OCA2: variants seen among roughly 807,000 people sequenced by gnomAD.
OCA2 encodes the protein P protein.
In OCA2, 77 loss-of-function variants were observed where a neutral mutation model predicts 100.2. The observed-to-expected ratio is 0.77, with a 90% CI of 0.64 to 0.93. OCA2 has a LOEUF of 0.93. Ranked by LOEUF, OCA2 falls within the 40% of genes least tolerant of loss-of-function variation. The probability of loss-of-function intolerance (pLI) is 0.00; values close to 1 mark genes in which losing one functional copy is unlikely to be tolerated. For missense variants in OCA2, 1,062 were observed against 1,089.1 expected, an observed-to-expected ratio of 0.98 and a Z score of 0.35; for synonymous variants, 432 against 439.2, an observed-to-expected ratio of 0.98 and a Z score of 0.21.
intron 3 of OCA2, among the ~76,000 whole-genome samples, chr15:28,029,103 G>C (rs927869165): frequency 4.6e-5 from 7 of 152,170 alleles, no homozygotes; most frequent in African/African-American, 1.7e-4. Flanking sequence ...AATATTCATG[G>C]GCTCACAATA....
chr15:27,774,994 C>G (rs182273314), intron 23 of OCA2, among the ~76,000 whole-genome samples: 1 of 132,006 alleles, frequency 7.6e-6, no homozygotes, highest in Admixed American at 7.3e-5. Context: ...TGACAGCAAT[C>G]CAGCCCTCTT....
At chr15:27,768,093 G>T (rs930662590) in intron 23 of OCA2, among the ~76,000 whole-genome samples, 1 of 152,138 alleles carries the variant, frequency 6.6e-6, no homozygotes. Flanking sequence ...CCTGGCGCAG[G>T]GAGGGCCGGC....
In OCA2 at chr15:27,840,945, C is replaced by G. The variant is rs560667594; in HGVS notation, c.2432+4014G>C. On this transcript the variant is annotated intron_variant, in intron 23 of 23. Coordinates refer to ENST00000354638, the MANE Select transcript of OCA2 (RefSeq NM_000275.3). Reference sequence around the variant, plus strand: ...AAAATTTTTTTGACACATTGGGCCTCATTAAGATTCAAAACTTTTGATTTG... The same window carrying G: ...AAAATTTTTTTGACACATTGGGCCTGATTAAGATTCAAAACTTTTGATTTG... 2.0e-5 allele frequency among the ~76,000 whole-genome samples: 3 copies of G among 152,294 alleles called. 1 individual carries two copies. The highest frequency in any genetic ancestry group is 6.8e-3 in the Middle Eastern group (2 of 294).
Position 27,957,073 on chromosome 15 carries a change from C to T in OCA2, c.1784+515G>A, listed in dbSNP as rs2040246880. On this transcript the variant is annotated intron_variant, in intron 16 of 23. Transcript: ENST00000354638. The surrounding 1 kb of genome is among the most constrained non-coding windows in gnomAD (Gnocchi z 4.3). ...GACTGCTTGGAACTCAGCAACATGT[C>T]ATAGCAAGGAGAAAAACCACCAATT... is the stretch of plus-strand genomic sequence containing the variant. Among the ~76,000 whole-genome samples, 1 of 152,200 alleles carries T rather than the reference C, an allele frequency of 6.6e-6. No homozygotes were observed. The highest frequency in any genetic ancestry group is 2.4e-5 in the African/African-American group (1 of 41,440).
intron 21 of OCA2, among the ~76,000 whole-genome samples, chr15:27,870,788 AAAAGAAAG>A (rs148699055): frequency 0.41 from 51,333 of 126,336 alleles, 9,217 homozygotes; most frequent in Middle Eastern, 0.57. Context: ...GAAAGAAAGA[AAAAGAAAG>A]AAAGAAAGAA....
rs1567064956 is a variant in OCA2 at position 27,888,744 on chromosome 15, C to CTG, written c.2080-16823_2080-16822insCA. ...AGAGCAATCTCTTCCTTGAAGAAGG[C>CTG]CGTGTGTGTGTGTATACATATATAT... On this transcript the variant is annotated intron_variant, in intron 19 of 23. Coordinates refer to ENST00000354638, the MANE Select transcript of OCA2 (RefSeq NM_000275.3). Among the ~76,000 whole-genome samples the CTG allele has an allele frequency of 3.1e-3, 464 of 151,622 alleles. 5 individuals are homozygous for CTG. Among genetic ancestry groups the CTG allele is most frequent in the African/African-American group, 0.011 (435 of 41,320 alleles).
intron 2 of OCA2, among the ~76,000 whole-genome samples, chr15:28,080,628 T>C (rs937980502): frequency 6.6e-6 from 1 of 152,204 alleles, no homozygotes; most frequent in Non-Finnish European, 1.5e-5. Context: ...AGCAGCAGCA[T>C]GCACCACACC....
intron 9 of OCA2, among the ~76,000 whole-genome samples, chr15:28,002,838 T>G (rs901673363): frequency 6.6e-6 from 1 of 152,226 alleles, no homozygotes; most frequent in Non-Finnish European, 1.5e-5. Context: ...CAAGGCCCCT[T>G]GGACACCGTG....
chr15:27,852,446 A>G lies in OCA2; in HGVS notation c.2245-971T>C, dbSNP rs185836643. Among the ~76,000 whole-genome samples, 428 of 152,230 alleles carry G rather than the reference A, an allele frequency of 2.8e-3. 2 individuals carry two copies. Among genetic ancestry groups the G allele is most frequent in the African/African-American group, 9.9e-3 (409 of 41,514 alleles). On this transcript the variant is annotated intron_variant, in intron 21 of 23. Transcript: ENST00000354638. ...CTCTGTTTTGGTACCAGACTTAAAC[A>G]TTAGATCTAAAACCATAAAAACCCT...
intron 23 of OCA2, among the ~76,000 whole-genome samples, chr15:27,792,273 C>T (rs976852656): frequency 6.6e-6 from 1 of 152,062 alleles, no homozygotes; most frequent in African/African-American, 2.4e-5. Flanking sequence ...TTCCTTCCTT[C>T]TTGCTTTCTT....
chr15:27,949,470 CTGGCCAACA>C (rs1001615036), intron 18 of OCA2, among the ~76,000 whole-genome samples: 6 of 152,264 alleles, frequency 3.9e-5, no homozygotes, highest in African/African-American at 1.4e-4. Context: ...TGAGACCAGC[CTGGCCAACA>C]TAGTGAAACT....
At chr15:27,942,612 A>G (rs2039689040) in intron 18 of OCA2, among the ~76,000 whole-genome samples, 1 of 152,186 alleles carries the variant, frequency 6.6e-6, no homozygotes, top group Non-Finnish European at 1.5e-5. Context: ...AACTTTGTGA[A>G]TATACTAAAA....
At chr15:28,013,881 T>G (rs1025883648) in intron 9 of OCA2, among the ~76,000 whole-genome samples, 4 of 152,184 alleles carry the variant, frequency 2.6e-5, no homozygotes, top group African/African-American at 9.7e-5. Context: ...AAAACTGTTC[T>G]AGAACTGAAG....
chr15:27,920,352 A>T (rs1249417795), intron 19 of OCA2, among the ~76,000 whole-genome samples: 1 of 152,208 alleles, frequency 6.6e-6, no homozygotes, highest in Non-Finnish European at 1.5e-5. Context: ...AACTGACCTT[A>T]AGACAAAAAT....
chr15:27,973,824 G>A (rs1047199775), intron 14 of OCA2, among the ~76,000 whole-genome samples: 3 of 152,150 alleles, frequency 2.0e-5, no homozygotes, highest in Admixed American at 6.5e-5. Context: ...AGTATGGGAT[G>A]CATTTCCATT....
In OCA2 at chr15:27,835,330, G is replaced by A. The variant is rs147030748; in HGVS notation, c.2432+9629C>T. ...TTATCCCACAGCCCTGACAGCGCACGTTCCCATCAAGAAGCTCCTTCCCCT... is the reference window on the plus strand; with the variant it reads ...TTATCCCACAGCCCTGACAGCGCACATTCCCATCAAGAAGCTCCTTCCCCT... On this transcript the variant is annotated intron_variant, in intron 23 of 23. Transcript: ENST00000354638. Among the ~76,000 whole-genome samples, 61 of 152,308 alleles carry A rather than the reference G, an allele frequency of 4.0e-4. No individual in the cohort carries two copies. In the South Asian group the frequency reaches 5.0e-3, roughly 12 times the overall value.
rs140677192 is a variant in OCA2, at chr15:28,045,644, A to G, written c.228-13481T>C. 5.5e-4 allele frequency among the ~76,000 whole-genome samples: 83 copies of G among 152,234 alleles called. 1 individual carries two copies. Among genetic ancestry groups the G allele is most frequent in the Admixed American group, 5.2e-4 (8 of 15,294 alleles). On this transcript the variant is annotated intron_variant, in intron 2 of 23. Transcript: ENST00000354638. ...TCACCAGTACCACATTTAACTCAAC[A>G]TATCAGGGCCACTTGCTTATGTAAC...
intron 23 of OCA2, among the ~76,000 whole-genome samples, chr15:27,836,680 G>A (rs2035165761): frequency 6.6e-6 from 1 of 152,204 alleles, no homozygotes; most frequent in Admixed American, 6.5e-5. Flanking sequence ...GGCTACCCTT[G>A]AAGCAGCAGA....
At chr15:27,968,871 G>T (rs2040671659) in intron 14 of OCA2, among the ~76,000 whole-genome samples, 1 of 151,606 alleles carries the variant, frequency 6.6e-6, no homozygotes, top group South Asian at 2.1e-4. Flanking sequence ...TTCAATGGGG[G>T]TATTACATTG....
Sources: allele counts gnomAD v4.1 joint callset (sites outside exome capture counted in the v4.1 genomes callset), GRCh38; gene constraint gnomAD v4.1.1; non-coding constraint Gnocchi (gnomAD v3.1); transcripts MANE v1.5; gene names NCBI Gene and HGNC (gene_info 2026-07-23, HGNC 2026-07-21).